LRP1B: variants seen among roughly 807,000 people sequenced by gnomAD.
The protein encoded by LRP1B is LDL receptor related protein 1B.
LRP1B carries 217 observed loss-of-function variants against 556.6 expected under a neutral mutation model. That is an observed-to-expected ratio of 0.39 (90% CI 0.35 to 0.44). The LOEUF is 0.44. LRP1B is among the 20% of genes least tolerant of loss of function. The pLI is 1.00. For missense variants in LRP1B, 5,053 were observed against 5,620.8 expected (o/e 0.90, Z 3.23); for synonymous variants, 2,047 against 1,865.8 (o/e 1.10, Z -2.50).
chr2:140,385,821 A>C, intron 67 of LRP1B, 72 bp downstream of exon 67: 1 of 970,118 alleles, frequency 1.0e-6, no homozygotes, highest in South Asian at 1.3e-5. Flanking sequence ...ACCTTAACAG[A>C]ACTAAAAATT....
At chr2:141,953,369 T>G (rs1301713690) in intron 1 of LRP1B, among the ~76,000 whole-genome samples, 2 of 152,098 alleles carry the variant, frequency 1.3e-5, no homozygotes, top group Non-Finnish European at 1.5e-5. Flanking sequence ...GAAATGAGTA[T>G]CAGTTTCTTC....
intron 18 of LRP1B, among the ~76,000 whole-genome samples, chr2:140,969,891 C>A (rs1457697793): frequency 6.6e-6 from 1 of 152,214 alleles, no homozygotes; most frequent in African/African-American, 2.4e-5. Context: ...GAGAGATCAG[C>A]TGTTAGTCTG....
chr2:141,290,358 A>T (rs998652401), intron 3 of LRP1B, among the ~76,000 whole-genome samples: 7 of 152,142 alleles, frequency 4.6e-5, no homozygotes, highest in African/African-American at 1.4e-4. Context: ...TATTTAATTT[A>T]AAAAATATGT....
At chr2:141,552,288 C>T (rs888654367) in intron 2 of LRP1B, among the ~76,000 whole-genome samples, 1 of 151,910 alleles carries the variant, frequency 6.6e-6, no homozygotes, top group Non-Finnish European at 1.5e-5. Context: ...CAATTACTTC[C>T]TTCCCAAGCG....
intron 2 of LRP1B, among the ~76,000 whole-genome samples, chr2:141,663,115 A>C (rs551749010): frequency 1.3e-5 from 2 of 152,216 alleles, no homozygotes; most frequent in African/African-American, 4.8e-5. Context: ...TTAAGGCAGA[A>C]ATCAAGTTGT....
chr2:140,246,211 T>G (rs1681153856), intron 87 of LRP1B, among the ~76,000 whole-genome samples: 1 of 151,300 alleles, frequency 6.6e-6, no homozygotes, highest in Admixed American at 6.6e-5. Context: ...TTTTGCTTGT[T>G]TTTATGAAAT....
At chr2:141,047,937 C>T (rs900380386) in intron 11 of LRP1B, among the ~76,000 whole-genome samples, 2 of 152,056 alleles carry the variant, frequency 1.3e-5, no homozygotes, top group African/African-American at 4.8e-5. Flanking sequence ...TCTCTTGCTT[C>T]CTGTGAATAT....
chr2:142,068,877 C>T (rs1189088567), intron 1 of LRP1B, among the ~76,000 whole-genome samples: 2 of 151,594 alleles, frequency 1.3e-5, no homozygotes, highest in Admixed American at 6.6e-5. Context: ...ATTGTTATTT[C>T]ATCAAAACTG....
rs189805277 is a variant in LRP1B at position 141,107,565 on chromosome 2, G to A, written c.1014-45292C>T. Among the ~76,000 whole-genome samples, 638 of 152,226 alleles carry A rather than the reference G, an allele frequency of 4.2e-3. 3 individuals carry two copies. The highest frequency in any genetic ancestry group is 6.9e-3 in the Non-Finnish European group (466 of 68,016). On this transcript the variant is annotated intron_variant, in intron 7 of 90. Transcript: ENST00000389484. ...GGAGGCTGAAGCAGGAGAATTGCTTGAACCCAGAAGGTGGAGGTTGCAGTG... is the reference window on the plus strand; with the variant it reads ...GGAGGCTGAAGCAGGAGAATTGCTTAAACCCAGAAGGTGGAGGTTGCAGTG...
chr2:140,600,519 G>C (rs1682612031), intron 42 of LRP1B, among the ~76,000 whole-genome samples: 1 of 152,064 alleles, frequency 6.6e-6, no homozygotes, highest in Non-Finnish European at 1.5e-5. Flanking sequence ...GTCTGGGTCA[G>C]TGATTATCTG....
At chr2:141,480,839 A>G (rs893580662) in intron 2 of LRP1B, among the ~76,000 whole-genome samples, 1 of 152,172 alleles carries the variant, frequency 6.6e-6, no homozygotes, top group African/African-American at 2.4e-5. Context: ...GTTTCATCTC[A>G]TATCCCTAGA....
intron 35 of LRP1B, among the ~76,000 whole-genome samples, chr2:140,753,719 T>C (rs1164054284): frequency 6.6e-6 from 1 of 152,180 alleles, no homozygotes; most frequent in African/African-American, 2.4e-5. Flanking sequence ...TTCAGCTTGA[T>C]GGAAGTTTTA....
intron 1 of LRP1B, among the ~76,000 whole-genome samples, chr2:142,089,239 A>G (rs1706070024): frequency 6.6e-6 from 1 of 152,166 alleles, no homozygotes; most frequent in African/African-American, 2.4e-5. Flanking sequence ...CTATTTAAGA[A>G]TCTACAATAT....
At chr2:141,663,989 C>T (rs542125618) in intron 2 of LRP1B, among the ~76,000 whole-genome samples, 201 of 150,886 alleles carry the variant, frequency 1.3e-3, no homozygotes, top group African/African-American at 4.7e-3. Context: ...ATGCAAAAAT[C>T]GTCCATAAAA....
intron 3 of LRP1B, among the ~76,000 whole-genome samples, chr2:141,401,884 A>G (rs1690464637): frequency 6.6e-6 from 1 of 152,204 alleles, no homozygotes; most frequent in South Asian, 2.1e-4. Context: ...TAGATCCTAT[A>G]GTGAGCTCTC....
intron 2 of LRP1B, among the ~76,000 whole-genome samples, chr2:141,609,728 A>G (rs1396017182): frequency 1.3e-5 from 2 of 151,942 alleles, no homozygotes; most frequent in African/African-American, 4.8e-5. Flanking sequence ...TTTTTCCTCT[A>G]ATGGTGATTT....
intron 3 of LRP1B, among the ~76,000 whole-genome samples, chr2:141,321,424 A>G (rs1290882554): frequency 3.3e-5 from 5 of 152,140 alleles, no homozygotes; most frequent in Non-Finnish European, 2.9e-5. Flanking sequence ...GTCATACTCC[A>G]TAAAAATTTT....
intron 27 of LRP1B, among the ~76,000 whole-genome samples, chr2:140,865,485 G>A (rs966980677): frequency 2.0e-5 from 3 of 151,464 alleles, no homozygotes; most frequent in Admixed American, 1.3e-4. Context: ...TTCTATCCTC[G>A]GTAATAAAAT....
intron 66 of LRP1B, among the ~76,000 whole-genome samples, chr2:140,398,600 C>T (rs1234525891): frequency 1.3e-5 from 2 of 152,066 alleles, no homozygotes; most frequent in Admixed American, 6.6e-5. Context: ...GACTATCACT[C>T]ATTGTAGTCT....
Sources: gnomAD v4.1 joint callset for allele counts (sites outside exome capture counted in the v4.1 genomes callset) on GRCh38, gnomAD v4.1.1 for gene constraint, MANE v1.5 for transcripts, NCBI Gene and HGNC (gene_info 2026-07-23, HGNC 2026-07-21) for gene names.